Variants in MTM1 observed in about 807,000 individuals in gnomAD.
The protein encoded by MTM1 is myotubularin.
Under a neutral mutation model 52.1 loss-of-function variants are expected in MTM1, and 9 were observed. The observed-to-expected ratio is 0.17, with a 90% CI of 0.10 to 0.30. The LOEUF is 0.30. Among genes scored for constraint, MTM1 ranks in the 10% least tolerant of loss-of-function variants. The pLI is 1.00. For missense variants in MTM1, 277 were observed against 470.7 expected (o/e 0.59, Z 3.81); for synonymous variants, 136 against 163.8 (o/e 0.83, Z 1.29).
At chrX:150,614,495 A>G in intron 4 of MTM1, 94 bp from the exon 5 acceptor site, 2 of 556,964 alleles carry the variant, frequency 3.6e-6, no homozygotes, top group South Asian at 5.0e-5. Context: ...CCAAGGTAAA[A>G]TCACTCTGAA....
chrX:150,645,932 TG>T (rs1389868514), intron 9 of MTM1, 61 bp downstream of exon 9: 13 of 1,051,285 alleles, frequency 1.2e-5, no homozygotes, highest in Non-Finnish European at 1.7e-5. Flanking sequence ...GTGTTTTCTG[TG>T]AATGTTTTTG....
intron 4 of MTM1, 54 bp from the exon 5 acceptor site, chrX:150,614,535 A>G: frequency 1.4e-6 from 1 of 716,450 alleles, no homozygotes; most frequent in Non-Finnish European, 2.2e-6. Context: ...ATGTTTTTTG[A>G]TGTTTTAATT....
intron 1 of MTM1, among the ~76,000 whole-genome samples, chrX:150,573,273 T>C (rs899939039): frequency 1.8e-5 from 2 of 112,785 alleles, no homozygotes; most frequent in African/African-American, 3.2e-5. Context: ...GAAAGTTCTT[T>C]GAATCAGTCA....
At chrX:150,645,920 C>T in intron 9 of MTM1, 49 bp downstream of exon 9, 1 of 1,108,863 alleles carries the variant, frequency 9.0e-7, no homozygotes, top group East Asian at 3.0e-5. Context: ...ATATGGAGTG[C>T]AGTGTTTTCT....
intron 1 of MTM1, among the ~76,000 whole-genome samples, chrX:150,573,724 T>G (rs1557411530): frequency 9.0e-6 from 1 of 111,717 alleles, no homozygotes; most frequent in African/African-American, 3.3e-5. Flanking sequence ...TTAAATTGCT[T>G]TATGGCCCTG....
chrX:150,670,095 G>A, intron 14 of MTM1, among the ~76,000 whole-genome samples: 1 of 112,174 alleles, frequency 8.9e-6, no homozygotes, highest in Non-Finnish European at 1.9e-5. Flanking sequence ...CTGGAGTACT[G>A]TTCTGTTGTA....
At chrX:150,663,059 G>A (rs1557414762) in intron 13 of MTM1, among the ~76,000 whole-genome samples, 1 of 112,220 alleles carries the variant, frequency 8.9e-6, no homozygotes, top group East Asian at 2.8e-4. Flanking sequence ...AGTTTTAAAA[G>A]TCATTGGGAT....
chrX:150,570,097 T>C lies in MTM1; in HGVS notation c.-11+1435T>C, dbSNP rs2038341401. On this transcript the variant is annotated intron_variant, in intron 1 of 14. Coordinates refer to ENST00000370396, the MANE Select transcript of MTM1 (RefSeq NM_000252.3). ...GGTCTCTTTAACTTAAAGTTCTAAC[T>C]ACATTTATTAAGTTGTCGATGGTTT... is the stretch of plus-strand genomic sequence containing the variant. Among the ~76,000 whole-genome samples, 3 of 111,827 alleles carry C rather than the reference T, an allele frequency of 2.7e-5. No homozygotes were observed. In the South Asian group the frequency reaches 1.1e-3, roughly 42 times the overall value.
intron 6 of MTM1, among the ~76,000 whole-genome samples, chrX:150,622,541 A>C: frequency 8.9e-6 from 1 of 112,049 alleles, no homozygotes; most frequent in Non-Finnish European, 1.9e-5. Flanking sequence ...TGATGTGACA[A>C]ATATGTTTAG....
upstream of MTM1, among the ~76,000 whole-genome samples, chrX:150,564,541 G>T (rs7054759): frequency 1.8e-5 from 2 of 109,631 alleles, no homozygotes; most frequent in Non-Finnish European, 3.8e-5. Context: ...CGCCACCAAG[G>T]CTGGCTATTT....
chrX:150,576,776 C>T (rs782297354), intron 1 of MTM1, among the ~76,000 whole-genome samples: 19 of 111,740 alleles, frequency 1.7e-4, no homozygotes, highest in Admixed American at 1.6e-3. Flanking sequence ...AGCCTCTTGC[C>T]CTTTTCACTT....
chrX:150,654,505 A>C (rs2040078634), intron 10 of MTM1, among the ~76,000 whole-genome samples: 2 of 112,315 alleles, frequency 1.8e-5, no homozygotes, highest in South Asian at 7.3e-4. Context: ...ATTTTGTACA[A>C]CTAATTGATG....
chrX:150,583,601 ATATATAATTTATATATAT>A (rs2038686693), intron 1 of MTM1, among the ~76,000 whole-genome samples: 2 of 32,917 alleles, frequency 6.1e-5, no homozygotes, highest in African/African-American at 3.0e-4. Flanking sequence ...TTTATATATA[ATATATAATTTATATATAT>A]TATATATAAT....
chrX:150,652,658 T>TACACACACAC (rs377592464), intron 10 of MTM1, among the ~76,000 whole-genome samples: 7 of 82,461 alleles, frequency 8.5e-5, no homozygotes, highest in African/African-American at 1.7e-4. Flanking sequence ...TATATATATA[T>TACACACACAC]ACACACACAC....
intron 6 of MTM1, among the ~76,000 whole-genome samples, chrX:150,628,084 G>A (rs902368569): frequency 1.8e-5 from 2 of 111,023 alleles, no homozygotes; most frequent in Non-Finnish European, 3.8e-5. Context: ...TAGCACTTGG[G>A]AGGTTTCCTC....
intron 14 of MTM1, among the ~76,000 whole-genome samples, chrX:150,666,778 C>G (rs1161372580): frequency 8.9e-6 from 1 of 111,843 alleles, no homozygotes; most frequent in African/African-American, 3.3e-5. Context: ...CTCCTCCTGC[C>G]ATCTTCCCCA....
intron 14 of MTM1, among the ~76,000 whole-genome samples, chrX:150,670,726 C>T (rs1193856592): frequency 9.0e-6 from 1 of 111,558 alleles, no homozygotes; most frequent in African/African-American, 3.3e-5. Flanking sequence ...TTCTACTTCT[C>T]AGCAGTTCCA....
chrX:150,649,943 A>G, intron 10 of MTM1, 42 bp downstream of exon 10: 1 of 1,122,552 alleles, frequency 8.9e-7, no homozygotes, highest in Non-Finnish European at 1.2e-6. Context: ...ATAAAAAAGA[A>G]TGTAATTGTT....
chrX:150,570,669 G>A (rs2038356263), intron 1 of MTM1, among the ~76,000 whole-genome samples: 1 of 112,023 alleles, frequency 8.9e-6, no homozygotes, highest in Non-Finnish European at 1.9e-5. Context: ...GTGTCTGCTG[G>A]ACTCTCAGGC....
Sources: gnomAD v4.1 joint callset for allele counts (sites outside exome capture counted in the v4.1 genomes callset) on GRCh38, gnomAD v4.1.1 for gene constraint, MANE v1.5 for transcripts, NCBI Gene and HGNC (gene_info 2026-07-23, HGNC 2026-07-21) for gene names.